Variants in ADCY8 observed in about 807,000 individuals in gnomAD.
ADCY8 encodes the protein adenylate cyclase type 8.
Under a neutral mutation model 119.7 loss-of-function variants are expected in ADCY8, and 51 were observed. The ratio of observed to expected loss-of-function variants is 0.43; its 90% CI spans 0.34 to 0.54. The LOEUF (loss-of-function observed/expected upper bound fraction) is 0.54, where lower values mean the gene tolerates loss of function less well. Ranked by LOEUF, ADCY8 falls within the 20% of genes least tolerant of loss-of-function variation. The pLI is 0.03. For missense variants in ADCY8, 1,383 were observed against 1,598.8 expected (o/e 0.87, Z 2.30); for synonymous variants, 665 against 651.0 (o/e 1.02, Z -0.33).
intron 1 of ADCY8, among the ~76,000 whole-genome samples, chr8:131,027,936 A>G (rs903816920): frequency 1.3e-5 from 2 of 152,214 alleles, no homozygotes; most frequent in African/African-American, 4.8e-5. Flanking sequence ...TGCTGTAGAG[A>G]CTTAACAGTG....
chr8:130,997,294 C>T (rs772209416), intron 1 of ADCY8, among the ~76,000 whole-genome samples: 32 of 151,938 alleles, frequency 2.1e-4, no homozygotes, highest in Admixed American at 3.3e-4. Flanking sequence ...AGTCTGCACG[C>T]ACTTGTGTAA....
At chr8:131,016,444 C>T (rs564370081) in intron 1 of ADCY8, among the ~76,000 whole-genome samples, 1 of 152,284 alleles carries the variant, frequency 6.6e-6, no homozygotes, top group Non-Finnish European at 1.5e-5. Context: ...ATTGAGTCCT[C>T]AGTGAGCTAT....
At chr8:130,986,444 C>T (rs1274415809) in intron 2 of ADCY8, among the ~76,000 whole-genome samples, 1 of 152,166 alleles carries the variant, frequency 6.6e-6, no homozygotes, top group Non-Finnish European at 1.5e-5. Context: ...GAGTAGCTGC[C>T]TTTAACTAGT....
chr8:130,811,191 G>A (rs560426707), intron 14 of ADCY8, among the ~76,000 whole-genome samples: 1 of 152,282 alleles, frequency 6.6e-6, no homozygotes, highest in South Asian at 2.1e-4. Context: ...AAAGACCTGA[G>A]TACATCAAGA....
intron 1 of ADCY8, among the ~76,000 whole-genome samples, chr8:131,011,098 C>T (rs546153041): frequency 2.2e-4 from 33 of 151,394 alleles, no homozygotes; most frequent in Non-Finnish European, 3.7e-4. Context: ...TTCTGTGCCT[C>T]GAATCTAGGA....
At position 131,022,193 on chromosome 8, in the gene ADCY8, A is replaced by G. The variant is rs527832284; in HGVS notation, c.960+17181T>C. ...CAACGTGCAGTTTTGCTACATAGGT[A>G]TACACATGCCATGGTGGTTTGCTGC... is the stretch of plus-strand genomic sequence containing the variant. On this transcript the variant is annotated intron_variant, in intron 1 of 17. Transcript: ENST00000286355. Among the ~76,000 whole-genome samples the G allele has an allele frequency of 3.2e-3, 482 of 152,260 alleles. 1 individual carries two copies. Among genetic ancestry groups the G allele is most frequent in the African/African-American group, 0.011 (467 of 41,542 alleles).
intron 11 of ADCY8, 113 bp downstream of exon 11, chr8:130,847,311 A>G: frequency 2.9e-6 from 2 of 693,104 alleles, no homozygotes; most frequent in South Asian, 4.0e-5. Flanking sequence ...CAGAAGAAGG[A>G]AAACAGGCCT....
rs748699859 is a variant in ADCY8 at position 130,899,477 on chromosome 8, G to A, written c.1911+4295C>T. Among the ~76,000 whole-genome samples, 5 of 152,258 alleles carry A rather than the reference G, an allele frequency of 3.3e-5. No individual in the cohort carries two copies. The East Asian group carries it at 9.6e-4, about 29-fold the overall frequency. The stretch of plus-strand genomic sequence containing the variant: ...AAAAATTAGCCAAGGGTGCTGGCAC[G>A]CGCCGGTAATCTCAGCTACTTAAGA... On this transcript the variant is annotated intron_variant, in intron 7 of 17. Coordinates refer to ENST00000286355, the MANE Select transcript of ADCY8 (RefSeq NM_001115.3).
intron 4 of ADCY8, among the ~76,000 whole-genome samples, chr8:130,940,902 AT>A (rs1227508811): frequency 6.6e-6 from 1 of 152,228 alleles, no homozygotes; most frequent in Non-Finnish European, 1.5e-5. Flanking sequence ...AATGCACCAA[AT>A]TATCAAAGAT....
intron 12 of ADCY8, among the ~76,000 whole-genome samples, chr8:130,824,466 C>T (rs1261029091): frequency 6.6e-6 from 1 of 152,120 alleles, no homozygotes; most frequent in Non-Finnish European, 1.5e-5. Flanking sequence ...ACAATGCCCT[C>T]CTCTGTGTAC....
In ADCY8 at chr8:130,875,851, T is replaced by A. The variant is rs115688160; in HGVS notation, c.2110-7905A>T. On this transcript the variant is annotated intron_variant, in intron 8 of 17. Coordinates refer to ENST00000286355, the MANE Select transcript of ADCY8 (RefSeq NM_001115.3). ...CCAAATAATTATCTAAAGATTCTCT[T>A]GTGTGGCAAATCCTTGGTTTTATGT... 7.9e-3 allele frequency among the ~76,000 whole-genome samples: 1,210 copies of A among 152,274 alleles called. 16 individuals are homozygous for A. Among genetic ancestry groups the A allele is most frequent in the African/African-American group, 0.028 (1,157 of 41,540 alleles).
intron 7 of ADCY8, chr8:130,892,004 T>A (rs1819205049): frequency 6.6e-6 from 1 of 152,202 alleles, no homozygotes; most frequent in South Asian, 2.1e-4. Flanking sequence ...TATGTCACTG[T>A]AATCTGTTTT....
chr8:130,938,286 A>G (rs1001891473), intron 4 of ADCY8, among the ~76,000 whole-genome samples: 1 of 152,134 alleles, frequency 6.6e-6, no homozygotes, highest in African/African-American at 2.4e-5. Flanking sequence ...TGCAAGTGAA[A>G]GCTCAGTACA....
rs1214435766 is a variant in ADCY8, at chr8:130,906,098, T to C, written c.1641-2056A>G. Among the ~76,000 whole-genome samples, 4 of 152,178 alleles carry C rather than the reference T, an allele frequency of 2.6e-5. No individual in the cohort carries two copies. In the East Asian group the frequency reaches 7.7e-4, roughly 29 times the overall value. ...GATTTCAAGTGCAAGATGTTAAAAA[T>C]AAATGTGTGAAAGATGTTTTCACTC... On this transcript the variant is annotated intron_variant, in intron 6 of 17. Transcript: ENST00000286355.
chr8:130,956,144 C>CA (rs200303946), intron 2 of ADCY8, among the ~76,000 whole-genome samples: 1,922 of 152,016 alleles, frequency 0.013, 39 homozygotes, highest in African/African-American at 0.043. Flanking sequence ...GACCCTGCCT[C>CA]AAAAAAACAA....
At chr8:130,959,100 G>A (rs1349741638) in intron 2 of ADCY8, among the ~76,000 whole-genome samples, 1 of 152,148 alleles carries the variant, frequency 6.6e-6, no homozygotes. Flanking sequence ...GTGAGAGAGT[G>A]TATAATATTG....
At chr8:130,940,871 A>T (rs1041547523) in intron 4 of ADCY8, among the ~76,000 whole-genome samples, 1 of 152,348 alleles carries the variant, frequency 6.6e-6, no homozygotes, top group Non-Finnish European at 1.5e-5. Context: ...CATACAGACA[A>T]TAGACAAAAA....
chr8:131,015,569 G>C (rs928136), intron 1 of ADCY8, among the ~76,000 whole-genome samples: 3,884 of 152,192 alleles, frequency 0.026, 57 homozygotes, highest in Non-Finnish European at 0.04. Flanking sequence ...GTCCAGAAAG[G>C]CTTATTGTCT....
At chr8:131,038,337 C>T (rs908071644) in intron 1 of ADCY8, among the ~76,000 whole-genome samples, 6 of 152,162 alleles carry the variant, frequency 3.9e-5, no homozygotes, top group Non-Finnish European at 8.8e-5. Flanking sequence ...AGCCCCCTGA[C>T]CATGCATCTC....
Sources: allele counts gnomAD v4.1 joint callset (sites outside exome capture counted in the v4.1 genomes callset), GRCh38; gene constraint gnomAD v4.1.1; transcripts MANE v1.5; gene names NCBI Gene and HGNC (gene_info 2026-07-23, HGNC 2026-07-21).